Variants in ARFGEF3 observed in about 807,000 individuals in gnomAD.
The protein encoded by ARFGEF3 is ARFGEF family member 3.
A neutral mutation model predicts 221.7 loss-of-function variants in ARFGEF3; 96 were observed. That is an observed-to-expected ratio of 0.43 (90% CI 0.37 to 0.51). ARFGEF3 has a LOEUF of 0.51. ARFGEF3 is among the 20% of genes least tolerant of loss of function. The pLI is 0.00. For missense variants in ARFGEF3, 2,410 were observed against 2,789.9 expected (o/e 0.86, Z 3.07); for synonymous variants, 1,145 against 1,126.8 (o/e 1.02, Z -0.32).
chr6:138,261,619 T>G lies in ARFGEF3; in HGVS notation c.1197T>G (p.Ser399=). 1 of 1,558,904 alleles carries G rather than the reference T, an allele frequency of 6.4e-7. No individual in the cohort carries two copies. ...AAAGATCAATTTCAAAAAGAAAGTCTCATCTGGATCTCCTCAAACTGTATG... is the reference window on the plus strand; with the variant it reads ...AAAGATCAATTTCAAAAAGAAAGTCGCATCTGGATCTCCTCAAACTGTATG... ...SRKRSISKRK[S]HLDLLKLIMD... The change falls in exon 11 of 34, where the codon TCT becomes TCG. Residue 399 remains serine (S), a synonymous_variant. Transcript: ENST00000251691.
chr6:138,322,994 G>C (rs1780061284), intron 29 of ARFGEF3, among the ~76,000 whole-genome samples: 1 of 151,128 alleles, frequency 6.6e-6, no homozygotes, highest in Admixed American at 6.6e-5. Flanking sequence ...GGGAGGTGGG[G>C]ACTTTCCAAG....
chr6:138,165,488 G>A (rs982600027), intron 1 of ARFGEF3, among the ~76,000 whole-genome samples: 1 of 148,002 alleles, frequency 6.8e-6, no homozygotes, highest in Non-Finnish European at 1.5e-5. Flanking sequence ...GAGAGAGGGG[G>A]TCATCCCCCT....
At chr6:138,193,110 A>G (rs546787951) in intron 2 of ARFGEF3, among the ~76,000 whole-genome samples, 1 of 152,152 alleles carries the variant, frequency 6.6e-6, no homozygotes, top group Non-Finnish European at 1.5e-5. Flanking sequence ...TCCTTTGTGA[A>G]ATCATTTCAC....
At chr6:138,205,031 T>C (rs918520848) in intron 2 of ARFGEF3, among the ~76,000 whole-genome samples, 23 of 152,082 alleles carry the variant, frequency 1.5e-4, no homozygotes, top group Non-Finnish European at 4.4e-5. Context: ...TATAAGCAGG[T>C]GAGAGAGTGG....
chr6:138,216,295 C>A (rs9402958), intron 4 of ARFGEF3: 16,937 of 152,120 alleles, frequency 0.11, 1,286 homozygotes, highest in East Asian at 0.36. Context: ...ATATAACAAA[C>A]GCCTAGTAAA....
At chr6:138,174,469 TAAAAAAAAAAAAAAAA>T (rs35236693) in intron 2 of ARFGEF3, among the ~76,000 whole-genome samples, 11 of 25,280 alleles carry the variant, frequency 4.4e-4, no homozygotes, top group South Asian at 2.6e-3. Context: ...GAGCATCTGC[TAAAAAAAAAAAAAAAA>T]AAAAAAAAAA....
At chr6:138,335,784 GTTATGAAGCATTATAT>G (rs776535635) in intron 33 of ARFGEF3, among the ~76,000 whole-genome samples, 2 of 152,152 alleles carry the variant, frequency 1.3e-5, no homozygotes, top group Non-Finnish European at 2.9e-5. Flanking sequence ...AAATTCTGTA[GTTATGAAGCATTATAT>G]AAAAGAAAAA....
At position 138,334,461 on chromosome 6, in the gene ARFGEF3, C is replaced by G. The variant is rs779188216; in HGVS notation, c.5615C>G (p.Pro1872Arg). The G allele has an allele frequency of 1.2e-6, 2 of 1,611,654 alleles. No homozygotes were observed. Among genetic ancestry groups the G allele is most frequent in the South Asian group, 1.1e-5 (1 of 90,580 alleles). Residue 1872 changes from proline to arginine, a missense_variant, in exon 33 of 34, where the codon CCG becomes CGG. By Grantham distance (103) the Pro-to-Arg change is moderately radical. Around this residue, in one of 5 missense-constraint regions of ARFGEF3, gnomAD observed 723 missense variants for 991.9 expected, o/e 0.73. Coordinates refer to ENST00000251691, the MANE Select transcript of ARFGEF3 (RefSeq NM_020340.5). The surrounding 1 kb of genome is among the most constrained non-coding windows in gnomAD (Gnocchi z 5.1). Reference protein sequence around the residue: ...IFEETAQVSPPRGKEKRQWRA... With the variant: ...IFEETAQVSPRRGKEKRQWRA... The stretch of plus-strand genomic sequence containing the variant: ...GAGGAAACCGCCCAGGTCAGCCCCC[C>G]GAGAGGCAAGGAGAAGAGACAGTGG...
At chr6:138,298,472 C>T (rs1779562784) in intron 21 of ARFGEF3, 134 bp from the exon 22 acceptor site, 1 of 642,984 alleles carries the variant, frequency 1.6e-6, no homozygotes, top group East Asian at 2.8e-5. Flanking sequence ...TTAGACTTAT[C>T]CCTTAGAATG....
chr6:138,245,372 TGGCCTAAG>T, intron 7 of ARFGEF3, 133 bp from the exon 8 acceptor site: 1 of 640,798 alleles, frequency 1.6e-6, no homozygotes. Flanking sequence ...ATCACTTTGG[TGGCCTAAG>T]GGCTTCTCCA....
At chr6:138,167,804 A>G (rs553659658) in intron 1 of ARFGEF3, among the ~76,000 whole-genome samples, 1 of 152,212 alleles carries the variant, frequency 6.6e-6, no homozygotes, top group Admixed American at 6.5e-5. Context: ...GGAAACCCCA[A>G]TCTTTTCATG....
At chr6:138,310,051 T>C (rs534162968) in intron 24 of ARFGEF3, among the ~76,000 whole-genome samples, 21 of 152,156 alleles carry the variant, frequency 1.4e-4, no homozygotes, top group South Asian at 1.0e-3. Flanking sequence ...AAACAGCCTG[T>C]GTTTTCTTCT....
chr6:138,343,467 G>GT lies in ARFGEF3; in HGVS notation c.*6981_*6982insT, dbSNP rs1562223982. The GT allele has an allele frequency of 7.6e-6, 1 of 132,372 alleles. No homozygotes were observed. Among genetic ancestry groups the GT allele is most frequent in the East Asian group, 2.0e-4 (1 of 5,108 alleles). The allele number at this position is 132,372 out of a possible 1,614,324, so 8.2% of individuals were successfully genotyped here. On this transcript the variant is annotated 3_prime_UTR_variant, in exon 34 of 34. Coordinates refer to ENST00000251691, the MANE Select transcript of ARFGEF3 (RefSeq NM_020340.5). ...GATGGAAATAAGGGTGTTTTTTTTT[G>GT]GTTTTTTTTTTACTTTAGTTTCCCA... is the stretch of plus-strand genomic sequence containing the variant.
chr6:138,167,139 A>G (rs779020707), intron 1 of ARFGEF3, among the ~76,000 whole-genome samples: 21 of 152,140 alleles, frequency 1.4e-4, no homozygotes, highest in African/African-American at 3.9e-4. Context: ...CTTGACTTCT[A>G]TGATCACACC....
At chr6:138,322,270 A>T (rs1780045446) in intron 29 of ARFGEF3, among the ~76,000 whole-genome samples, 2 of 152,194 alleles carry the variant, frequency 1.3e-5, no homozygotes, top group Admixed American at 1.3e-4. Context: ...AGGCTTTCAG[A>T]CTTGGACTGC....
chr6:138,289,215 T>C (rs1367586534), intron 17 of ARFGEF3, among the ~76,000 whole-genome samples: 2 of 152,296 alleles, frequency 1.3e-5, no homozygotes, highest in South Asian at 2.1e-4. Context: ...GGCCTCCCAA[T>C]GTGCTGGGAT....
At chr6:138,314,802 C>T (rs868766801) in intron 26 of ARFGEF3, among the ~76,000 whole-genome samples, 3 of 152,152 alleles carry the variant, frequency 2.0e-5, no homozygotes, top group East Asian at 1.9e-4. Flanking sequence ...ATGTGAACTT[C>T]GGGGGAAATA....
At chr6:138,257,771 A>G (rs895898705) in intron 10 of ARFGEF3, among the ~76,000 whole-genome samples, 1 of 152,072 alleles carries the variant, frequency 6.6e-6, no homozygotes, top group Non-Finnish European at 1.5e-5. Context: ...TCTCTACCAC[A>G]CACTGGCTTT....
At chr6:138,185,287 G>A (rs559207480) in intron 2 of ARFGEF3, among the ~76,000 whole-genome samples, 1 of 152,328 alleles carries the variant, frequency 6.6e-6, no homozygotes, top group South Asian at 2.1e-4. Flanking sequence ...TCTGAAGAAA[G>A]ATAGAAAGGG....
Sources: allele counts gnomAD v4.1 joint callset (sites outside exome capture counted in the v4.1 genomes callset), GRCh38; gene constraint gnomAD v4.1.1; regional missense constraint gnomAD v4.1.1; non-coding constraint Gnocchi (gnomAD v3.1); transcripts MANE v1.5; gene names NCBI Gene and HGNC (gene_info 2026-07-23, HGNC 2026-07-21).